PLCE1: variants seen among roughly 807,000 people sequenced by gnomAD.
PLCE1 encodes the protein phospholipase C epsilon 1, also known as 1-phosphatidylinositol 4,5-bisphosphate phosphodiesterase epsilon-1.
Under a neutral mutation model 242.8 loss-of-function variants are expected in PLCE1, and 119 were observed. The ratio of observed to expected loss-of-function variants is 0.49; its 90% CI spans 0.42 to 0.57. The LOEUF is 0.57. PLCE1 is among the 20% of genes least tolerant of loss of function. The probability of loss-of-function intolerance (pLI) is 0.00; values close to 1 mark genes in which losing one functional copy is unlikely to be tolerated. For missense variants in PLCE1, 2,441 were observed against 2,788.8 expected (o/e 0.88, Z 2.81); for synonymous variants, 945 against 1,017.4 (o/e 0.93, Z 1.35).
chr10:94,158,270 G>A (rs1362091397), intron 3 of PLCE1, among the ~76,000 whole-genome samples: 2 of 152,108 alleles, frequency 1.3e-5, no homozygotes, highest in Non-Finnish European at 2.9e-5. Flanking sequence ...TGCTGGGTAA[G>A]AGGGCATCAG....
chr10:94,236,675 A>G (rs779736565), intron 7 of PLCE1, among the ~76,000 whole-genome samples: 3 of 152,226 alleles, frequency 2.0e-5, no homozygotes, highest in Non-Finnish European at 2.9e-5. Context: ...CCCTACACAC[A>G]CAAGGCATCT....
At chr10:94,194,327 A>G (rs2048755292) in intron 4 of PLCE1, among the ~76,000 whole-genome samples, 1 of 152,174 alleles carries the variant, frequency 6.6e-6, no homozygotes, top group Non-Finnish European at 1.5e-5. Flanking sequence ...TTTTGTCCCT[A>G]TGGTAATACT....
chr10:94,299,476 T>G (rs1229466640), intron 24 of PLCE1, among the ~76,000 whole-genome samples: 5 of 152,198 alleles, frequency 3.3e-5, no homozygotes, highest in African/African-American at 1.2e-4. Context: ...GGATAAAGCA[T>G]TATGTTTCCA....
intron 11 of PLCE1, among the ~76,000 whole-genome samples, chr10:94,256,489 C>T (rs1342815232): frequency 6.6e-6 from 1 of 152,050 alleles, no homozygotes; most frequent in Non-Finnish European, 1.5e-5. Context: ...AATGGGTGAG[C>T]ATGGGTCAAG....
At chr10:94,147,972 A>G (rs2136082630) in intron 3 of PLCE1, among the ~76,000 whole-genome samples, 2 of 152,330 alleles carry the variant, frequency 1.3e-5, no homozygotes, top group East Asian at 3.9e-4. Flanking sequence ...ACATTGCAGC[A>G]TGATACACAA....
chr10:94,128,769 T>A (rs552159459), intron 2 of PLCE1, among the ~76,000 whole-genome samples: 1 of 152,290 alleles, frequency 6.6e-6, no homozygotes, highest in African/African-American at 2.4e-5. Flanking sequence ...ATCTGTATTT[T>A]ATTAAGACAG....
chr10:94,127,091 A>C (rs1564712517), intron 2 of PLCE1, among the ~76,000 whole-genome samples: 1 of 152,242 alleles, frequency 6.6e-6, no homozygotes, highest in Admixed American at 6.5e-5. Context: ...TCAACTTTAT[A>C]GATTAGTGTG....
chr10:94,260,885 A>G (rs1229775397), intron 13 of PLCE1, among the ~76,000 whole-genome samples: 2 of 152,118 alleles, frequency 1.3e-5, no homozygotes, highest in East Asian at 3.9e-4. Context: ...GAAAGTACAG[A>G]GTTCCAATAT....
At chr10:94,237,257 A>T (rs2137351006) in intron 7 of PLCE1, among the ~76,000 whole-genome samples, 1 of 152,270 alleles carries the variant, frequency 6.6e-6, no homozygotes. Flanking sequence ...AAGAGCCTTC[A>T]TCTTTAAAGA....
chr10:94,281,186 T>G (rs1332301747), intron 20 of PLCE1, among the ~76,000 whole-genome samples: 5 of 152,204 alleles, frequency 3.3e-5, no homozygotes, highest in Non-Finnish European at 4.4e-5. Context: ...CCCATAGAAC[T>G]AATTGATTCA....
chr10:94,162,237 G>A (rs1024156184), intron 3 of PLCE1, among the ~76,000 whole-genome samples: 1 of 152,212 alleles, frequency 6.6e-6, no homozygotes, highest in African/African-American at 2.4e-5. Flanking sequence ...AATGGTACCA[G>A]CTCCTCCTTG....
At chr10:94,101,808 C>T (rs2045548100) in intron 2 of PLCE1, among the ~76,000 whole-genome samples, 1 of 152,172 alleles carries the variant, frequency 6.6e-6, no homozygotes, top group Non-Finnish European at 1.5e-5. Flanking sequence ...AGGGGTCTGG[C>T]CCGGAAGGCC....
In PLCE1 at chr10:94,243,196, A is replaced by G. The variant is rs143648558; in HGVS notation, c.2421-2750A>G. 6.0e-4 allele frequency among the ~76,000 whole-genome samples: 91 copies of G among 152,318 alleles called. 1 individual carries two copies. The East Asian group carries it at 0.017, about 28-fold the overall frequency. On this transcript the variant is annotated intron_variant, in intron 7 of 32. Transcript: ENST00000371380. ...TAGGTGCCCTCAATATGATGTGATA[A>G]GAATGATACTTTACCTCTATGGTCT...
intron 2 of PLCE1, among the ~76,000 whole-genome samples, chr10:94,047,947 G>A (rs7084497): frequency 0.36 from 54,072 of 151,962 alleles, 10,853 homozygotes; most frequent in African/African-American, 0.55. Context: ...CTTCAAAATG[G>A]TGATTACTAT....
intron 2 of PLCE1, among the ~76,000 whole-genome samples, chr10:94,121,704 C>T (rs2046306079): frequency 6.6e-6 from 1 of 152,138 alleles, no homozygotes; most frequent in African/African-American, 2.4e-5. Flanking sequence ...ACGCAAAGAC[C>T]ATACTCTTTC....
intron 4 of PLCE1, among the ~76,000 whole-genome samples, chr10:94,221,333 C>T (rs2049736801): frequency 6.6e-6 from 1 of 152,200 alleles, no homozygotes; most frequent in South Asian, 2.1e-4. Flanking sequence ...TGCATGCACA[C>T]ATGTGCATGT....
At chr10:94,039,746 A>C (rs574722459) in intron 2 of PLCE1, among the ~76,000 whole-genome samples, 2 of 152,288 alleles carry the variant, frequency 1.3e-5, no homozygotes, top group South Asian at 2.1e-4. Context: ...TAGCCATCCT[A>C]GTGGGTGTAA....
At position 94,097,469 on chromosome 10, in the gene PLCE1, G is replaced by C. The variant is rs1182752308; in HGVS notation, c.1207-34705G>C. On this transcript the variant is annotated intron_variant, in intron 2 of 32. Transcript: ENST00000371380. ...GCACCCACAACAGTGTGCCAAGCAT[G>C]ATGCTAAGTGCCAGGATGTAGAGTA... 2.0e-5 allele frequency among the ~76,000 whole-genome samples: 3 copies of C among 152,288 alleles called. No homozygotes were observed. The East Asian group carries it at 5.8e-4, about 29-fold the overall frequency.
intron 7 of PLCE1, 77 bp from the exon 8 acceptor site, chr10:94,245,869 C>T (rs960139899): frequency 3.2e-5 from 35 of 1,093,094 alleles, no homozygotes; most frequent in Non-Finnish European, 4.7e-5. Context: ...AAAATAAAGC[C>T]CAGTGTCAGT....
Sources: gnomAD v4.1 joint callset for allele counts (sites outside exome capture counted in the v4.1 genomes callset) on GRCh38, gnomAD v4.1.1 for gene constraint, MANE v1.5 for transcripts, NCBI Gene and HGNC (gene_info 2026-07-23, HGNC 2026-07-21) for gene names.